Variants in CACNA2D3 observed in about 807,000 individuals in gnomAD.
CACNA2D3 encodes the protein voltage-dependent calcium channel subunit alpha-2/delta-3.
CACNA2D3 carries 60 observed loss-of-function variants against 160.6 expected under a neutral mutation model. That is an observed-to-expected ratio of 0.37 (90% CI 0.30 to 0.46). The LOEUF (loss-of-function observed/expected upper bound fraction) is 0.46. CACNA2D3 is among the 20% of genes least tolerant of loss of function. The pLI is 1.00. For missense variants in CACNA2D3, 1,205 were observed against 1,365.0 expected (o/e 0.88, Z 1.85); for synonymous variants, 558 against 492.9 (o/e 1.13, Z -1.75).
At chr3:54,148,974 C>CAA (rs543235870) in intron 2 of CACNA2D3, among the ~76,000 whole-genome samples, 11 of 116,582 alleles carry the variant, frequency 9.4e-5, no homozygotes, top group East Asian at 2.5e-4. Context: ...AAAACTCCAT[C>CAA]AAAAAAAAAA....
At chr3:54,394,473 C>T (rs1575431355) in intron 4 of CACNA2D3, among the ~76,000 whole-genome samples, 1 of 132,962 alleles carries the variant, frequency 7.5e-6, no homozygotes, top group Middle Eastern at 3.9e-3. Flanking sequence ...TCCTCCCTCC[C>T]CCGACCCCAC....
intron 2 of CACNA2D3, among the ~76,000 whole-genome samples, chr3:54,289,085 G>A (rs551825245): frequency 4.3e-4 from 65 of 152,186 alleles, no homozygotes; most frequent in African/African-American, 1.5e-3. Flanking sequence ...GGAAATAAAG[G>A]ATATTCAATT....
intron 2 of CACNA2D3, among the ~76,000 whole-genome samples, chr3:54,310,987 T>G (rs1013124184): frequency 6.6e-6 from 1 of 152,168 alleles, no homozygotes; most frequent in Non-Finnish European, 1.5e-5. Flanking sequence ...CTCGGCACCA[T>G]GACAAACTTG....
At chr3:54,257,228 C>T (rs1346771378) in intron 2 of CACNA2D3, among the ~76,000 whole-genome samples, 2 of 152,138 alleles carry the variant, frequency 1.3e-5, no homozygotes, top group African/African-American at 2.4e-5. Context: ...GATTGTTTTA[C>T]GATGGTAGCC....
intron 35 of CACNA2D3, among the ~76,000 whole-genome samples, chr3:55,036,530 C>T (rs6772015): frequency 0.14 from 20,783 of 151,696 alleles, 1,843 homozygotes; most frequent in Non-Finnish European, 0.21. Context: ...TCCAGTGGCG[C>T]GATCTTGGCT....
chr3:55,033,588 A>G (rs898914756), intron 35 of CACNA2D3, among the ~76,000 whole-genome samples: 3 of 71,492 alleles, frequency 4.2e-5, no homozygotes, highest in South Asian at 3.8e-4. Context: ...GTGTGTGTAT[A>G]TATATATATA....
intron 9 of CACNA2D3, among the ~76,000 whole-genome samples, chr3:54,613,158 T>C (rs1698779348): frequency 6.6e-6 from 1 of 152,232 alleles, no homozygotes; most frequent in African/African-American, 2.4e-5. Context: ...GTTTATTAAT[T>C]TGCATTTTTA....
In CACNA2D3 at chr3:54,451,229, CTTTTTTTTTTTTT is replaced by C. The variant is rs71074970; in HGVS notation, c.382-52243_382-52231del. On this transcript the variant is annotated intron_variant, in intron 4 of 37. Transcript: ENST00000474759. ...TGTCCCTTTCTGCTGATATAATAATCTTTTTTTTTTTTTTTTTTTTTTTTTTTTTTTTGAGACA... is the reference window on the plus strand; with the variant it reads ...TGTCCCTTTCTGCTGATATAATAATCTTTTTTTTTTTTTTTTTTTGAGACA... Among the ~76,000 whole-genome samples the C allele has an allele frequency of 1.2e-3, 63 of 51,758 alleles. No individual in the cohort carries two copies. The Admixed American group carries it at 0.013, about 11-fold the overall frequency. The allele number at this position is 51,758 out of a possible 152,430, so 34.0% of individuals were successfully genotyped here. A position where few individuals can be genotyped will look rare whatever the true frequency, so the allele number is the denominator to read the frequency against.
rs1056285686 is a variant in CACNA2D3, at chr3:54,874,562, G to T, written c.1710+2940G>T. 2.0e-5 allele frequency: 3 copies of T among 152,140 alleles called. No individual in the cohort carries two copies. The South Asian group carries it at 6.2e-4, about 32-fold the overall frequency. The allele number at this position is 152,140 out of a possible 1,614,324, so 9.4% of individuals were successfully genotyped here. On this transcript the variant is annotated intron_variant, in intron 18 of 37. Transcript: ENST00000474759. Reference sequence around the variant, plus strand: ...AAAAAAACTCATAAAAATAATAACTGCCATATATTAGCTCTTCCTGTACAC... The same window carrying T: ...AAAAAAACTCATAAAAATAATAACTTCCATATATTAGCTCTTCCTGTACAC...
chr3:54,717,584 G>C (rs1049744161), intron 11 of CACNA2D3, among the ~76,000 whole-genome samples: 1 of 146,614 alleles, frequency 6.8e-6, no homozygotes, highest in Non-Finnish European at 1.5e-5. Flanking sequence ...GTATGTGTGC[G>C]TGTGTGTGCA....
intron 2 of CACNA2D3, among the ~76,000 whole-genome samples, chr3:54,157,376 TC>T (rs1700262742): frequency 6.6e-6 from 1 of 152,142 alleles, no homozygotes; most frequent in Non-Finnish European, 1.5e-5. Flanking sequence ...CCCATAACAC[TC>T]ACCAAAGTCT....
At chr3:54,606,357 G>T (rs1001187142) in intron 9 of CACNA2D3, among the ~76,000 whole-genome samples, 1 of 152,046 alleles carries the variant, frequency 6.6e-6, no homozygotes, top group Admixed American at 6.6e-5. Context: ...GCAAGTCGGG[G>T]CTGGGGAAGG....
At chr3:54,490,864 G>T (rs1447762257) in intron 4 of CACNA2D3, among the ~76,000 whole-genome samples, 1 of 152,132 alleles carries the variant, frequency 6.6e-6, no homozygotes, top group Non-Finnish European at 1.5e-5. Flanking sequence ...AGCCCTGCAG[G>T]TGTGATGGAG....
intron 10 of CACNA2D3, chr3:54,634,532 A>G (rs1308819679): frequency 1.3e-5 from 2 of 152,248 alleles, no homozygotes; most frequent in Non-Finnish European, 2.9e-5. Flanking sequence ...TGTGTGAGCA[A>G]CAAGGCTGTT....
intron 11 of CACNA2D3, among the ~76,000 whole-genome samples, chr3:54,691,786 T>TA (rs1700576310): frequency 6.6e-6 from 1 of 152,192 alleles, no homozygotes; most frequent in Admixed American, 6.5e-5. Context: ...GTGTGCTTAG[T>TA]AAAATGTTCA....
chr3:54,145,687 G>A (rs1037063686), intron 2 of CACNA2D3, among the ~76,000 whole-genome samples: 2 of 152,186 alleles, frequency 1.3e-5, no homozygotes, highest in African/African-American at 2.4e-5. Context: ...CCAGTGCAGG[G>A]CGCAGCATCC....
intron 4 of CACNA2D3, among the ~76,000 whole-genome samples, chr3:54,446,334 G>A (rs1450784958): frequency 6.6e-6 from 1 of 152,122 alleles, no homozygotes; most frequent in African/African-American, 2.4e-5. Context: ...AGCATAGAGA[G>A]GGAGGACCTC....
chr3:54,185,539 A>G (rs1178718175), intron 2 of CACNA2D3, among the ~76,000 whole-genome samples: 3 of 152,206 alleles, frequency 2.0e-5, no homozygotes, highest in Non-Finnish European at 4.4e-5. Flanking sequence ...TAAAGGTTAA[A>G]TTATGTTTAT....
At chr3:54,718,578 GT>G (rs1274844122) in intron 11 of CACNA2D3, among the ~76,000 whole-genome samples, 1 of 151,758 alleles carries the variant, frequency 6.6e-6, no homozygotes, top group Non-Finnish European at 1.5e-5. Context: ...AATTACTTGA[GT>G]TTTATGTAAG....
Sources: gnomAD v4.1 joint callset for allele counts (sites outside exome capture counted in the v4.1 genomes callset) on GRCh38, gnomAD v4.1.1 for gene constraint, MANE v1.5 for transcripts, NCBI Gene and HGNC (gene_info 2026-07-23, HGNC 2026-07-21) for gene names.